THADA: variants seen among roughly 807,000 people sequenced by gnomAD.
THADA encodes THADA armadillo repeat containing.
A neutral mutation model predicts 219.8 loss-of-function variants in THADA; 213 were observed. The ratio of observed to expected loss-of-function variants is 0.97; its 90% CI spans 0.87 to 1.09. The LOEUF is 1.09. Among genes scored for constraint, THADA ranks in the 50% least tolerant of loss-of-function variants. The pLI is 0.00. For synonymous variants in THADA, 1,018 were observed against 828.9 expected (o/e 1.23, Z -3.92); for missense variants, 2,956 against 2,311.3 (o/e 1.28, Z -5.72).
At chr2:43,404,562 C>A (rs1445558098) in intron 28 of THADA, among the ~76,000 whole-genome samples, 1 of 152,050 alleles carries the variant, frequency 6.6e-6, no homozygotes, top group African/African-American at 2.4e-5. Context: ...TCACTTCCTT[C>A]CCTCTGCCTA....
At chr2:43,343,957 T>G in intron 30 of THADA, 165 bp downstream of exon 30, 1 of 527,136 alleles carries the variant, frequency 1.9e-6, no homozygotes, top group Non-Finnish European at 3.4e-6. Flanking sequence ...AAGAAAATAT[T>G]TTTCTTTCTT....
At chr2:43,275,953 A>C (rs1286983251) in intron 36 of THADA, among the ~76,000 whole-genome samples, 2 of 152,226 alleles carry the variant, frequency 1.3e-5, no homozygotes, top group African/African-American at 4.8e-5. Flanking sequence ...TGTGGTATAT[A>C]AAACAGATCT....
At chr2:43,389,389 G>A (rs1673079886) in intron 29 of THADA, among the ~76,000 whole-genome samples, 1 of 152,134 alleles carries the variant, frequency 6.6e-6, no homozygotes, top group African/African-American at 2.4e-5. Flanking sequence ...GGAGGCTGAG[G>A]CAGGGGGACC....
At chr2:43,589,166 T>C (rs1701297508) in intron 4 of THADA, among the ~76,000 whole-genome samples, 1 of 152,142 alleles carries the variant, frequency 6.6e-6, no homozygotes, top group African/African-American at 2.4e-5. Context: ...AATAGATATT[T>C]GCACACCCAT....
chr2:43,373,714 G>A (rs958522567), intron 29 of THADA, among the ~76,000 whole-genome samples: 2 of 152,116 alleles, frequency 1.3e-5, no homozygotes, highest in African/African-American at 2.4e-5. Context: ...TTGGCCTCAT[G>A]TGATCTGTCC....
At chr2:43,501,307 CAA>C (rs60448094) in intron 24 of THADA, among the ~76,000 whole-genome samples, 10 of 15,048 alleles carry the variant, frequency 6.6e-4, no homozygotes, top group East Asian at 3.2e-3. Context: ...ACTCCAACTC[CAA>C]AAAAAAAAAA....
chr2:43,544,034 G>C (rs1315216464), intron 20 of THADA, among the ~76,000 whole-genome samples: 1 of 152,120 alleles, frequency 6.6e-6, no homozygotes, highest in Non-Finnish European at 1.5e-5. Flanking sequence ...AATCCGTCTT[G>C]AATTAATTTT....
Position 43,574,799 on chromosome 2 carries a change from G to C in THADA, c.1266C>G (p.His422Gln), listed in dbSNP as rs777760369. 3.7e-6 allele frequency: 6 copies of C among 1,613,992 alleles called. No individual in the cohort carries two copies. Among genetic ancestry groups the C allele is most frequent in the Non-Finnish European group, 5.1e-6 (6 of 1,179,896 alleles). The change falls in exon 11 of 38, where the codon CAC becomes CAG. Residue 422 changes from histidine to glutamine, a missense_variant. Transcript: ENST00000405975. The part of the protein sequence containing the change: ...KIMFKNLLQM[H>Q]RLTVEGADFV... ...AATCTGCACCTTCCACAGTGAGCCGGTGCATTTGGAGAAGGTTTTTGAACA... is the reference window on the plus strand; with the variant it reads ...AATCTGCACCTTCCACAGTGAGCCGCTGCATTTGGAGAAGGTTTTTGAACA...
chr2:43,262,405 T>C (rs1411041731), intron 36 of THADA, among the ~76,000 whole-genome samples: 1 of 151,802 alleles, frequency 6.6e-6, no homozygotes, highest in African/African-American at 2.4e-5. Context: ...GGAAGCCACA[T>C]GCCAGGAGAG....
intron 23 of THADA, among the ~76,000 whole-genome samples, chr2:43,507,374 A>G (rs1284594515): frequency 2.0e-5 from 3 of 152,212 alleles, no homozygotes; most frequent in Non-Finnish European, 2.9e-5. Flanking sequence ...CACTGCACAA[A>G]TATGCAGTGA....
chr2:43,439,189 G>A (rs1270589809), intron 26 of THADA, among the ~76,000 whole-genome samples: 3 of 152,050 alleles, frequency 2.0e-5, no homozygotes, highest in Non-Finnish European at 4.4e-5. Flanking sequence ...AATATTAAAC[G>A]GAAAATTCCA....
intron 20 of THADA, among the ~76,000 whole-genome samples, chr2:43,547,162 T>C (rs1451329855): frequency 1.3e-5 from 2 of 152,176 alleles, no homozygotes. Flanking sequence ...AAATTCTGGG[T>C]TGAAAATTCT....
intron 28 of THADA, among the ~76,000 whole-genome samples, chr2:43,403,055 C>G (rs1171334578): frequency 1.3e-5 from 2 of 152,210 alleles, no homozygotes; most frequent in African/African-American, 4.8e-5. Context: ...TTTCATTAAT[C>G]TTCATTCCAA....
chr2:43,352,564 T>C (rs1310541746), intron 29 of THADA, among the ~76,000 whole-genome samples: 1 of 151,346 alleles, frequency 6.6e-6, no homozygotes, highest in Non-Finnish European at 1.5e-5. Context: ...AAAAAAATAA[T>C]AATAATAATA....
At chr2:43,236,163 GGATGACAGGCAAAAGGGAAGAGCTGGTGT>G in intron 36 of THADA, among the ~76,000 whole-genome samples, 1 of 152,298 alleles carries the variant, frequency 6.6e-6, no homozygotes, top group Admixed American at 6.5e-5. Context: ...GAGAGTGGCG[GGATGACAGGCAAAAGGGAAGAGCTGGTGT>G]GATGTGGCCA....
chr2:43,435,095 T>C (rs1042359115), intron 26 of THADA, among the ~76,000 whole-genome samples: 5 of 152,152 alleles, frequency 3.3e-5, no homozygotes, highest in Non-Finnish European at 5.9e-5. Context: ...CAAGGGAACT[T>C]TTCCTGTTTC....
intron 22 of THADA, among the ~76,000 whole-genome samples, chr2:43,523,154 C>T (rs1692705995): frequency 6.6e-6 from 1 of 151,952 alleles, no homozygotes; most frequent in Non-Finnish European, 1.5e-5. Flanking sequence ...TGCTTGAGCC[C>T]AGGAGTTCGA....
At chr2:43,587,869 A>G (rs1180368378) in intron 4 of THADA, among the ~76,000 whole-genome samples, 1 of 152,222 alleles carries the variant, frequency 6.6e-6, no homozygotes, top group African/African-American at 2.4e-5. Flanking sequence ...TTATCAAATG[A>G]GTAAATTAAA....
intron 26 of THADA, chr2:43,484,598 T>C (rs1438479316): frequency 6.0e-6 from 1 of 165,830 alleles, no homozygotes; most frequent in Non-Finnish European, 1.5e-5. Flanking sequence ...AACAAACAGA[T>C]CTTGTGCATT....
Sources: allele counts gnomAD v4.1 joint callset (sites outside exome capture counted in the v4.1 genomes callset), GRCh38; gene constraint gnomAD v4.1.1; transcripts MANE v1.5; gene names NCBI Gene and HGNC (gene_info 2026-07-23, HGNC 2026-07-21).